The following NET1 variants were observed in gnomAD, a reference collection of about 807,000 sequenced individuals.
NET1 encodes neuroepithelial cell-transforming gene 1 protein.
A neutral mutation model predicts 61.1 loss-of-function variants in NET1; 42 were observed. The ratio of observed to expected loss-of-function variants is 0.69; its 90% CI spans 0.54 to 0.89. The LOEUF (loss-of-function observed/expected upper bound fraction) is 0.89, where lower values mean the gene tolerates loss of function less well. Among genes scored for constraint, NET1 ranks in the 40% least tolerant of loss-of-function variants. NET1 has a pLI of 0.00. For missense variants in NET1, 654 were observed against 747.3 expected, an observed-to-expected ratio of 0.88 and a Z score of 1.46; for synonymous variants, 254 against 281.8, an observed-to-expected ratio of 0.90 and a Z score of 0.99.
chr10:5,446,653 G>A lies in NET1; in HGVS notation c.256-5177G>A. On this transcript the variant is annotated intron_variant, in intron 3 of 11. Transcript: ENST00000355029. The surrounding 1 kb of genome is among the most constrained non-coding windows in gnomAD (Gnocchi z 5.0). ...CGGCGAGAGGCATGGGCACGTGGCT[G>A]CCGAGGGTGGCCGAGCTCTGGGAAG... is the stretch of plus-strand genomic sequence containing the variant. The A allele has an allele frequency of 7.6e-7, 1 of 1,312,484 alleles. No homozygotes were observed. 81.3% of individuals were successfully genotyped at this position (1,312,484 alleles called of 1,614,324 possible).
Position 5,457,258 on chromosome 10 carries a change from T to C in NET1, c.*264T>C, listed in dbSNP as rs1381852786. The C allele has an allele frequency of 3.7e-6, 1 of 266,856 alleles. No individual in the cohort carries two copies. The highest frequency in any genetic ancestry group is 7.0e-6 in the Non-Finnish European group (1 of 143,362). 16.5% of individuals were successfully genotyped at this position (266,856 alleles called of 1,614,324 possible). On this transcript the variant is annotated 3_prime_UTR_variant, in exon 12 of 12. Coordinates refer to ENST00000355029, the MANE Select transcript of NET1 (RefSeq NM_001047160.3). This position sits in a 1 kb window ranked among gnomAD's most constrained non-coding sequence, Gnocchi z 5.4. ...GGTATTTTTTAATCAAACAAAATATTTATGAAATGGGTTTTCTCTTAATTC... is the reference window on the plus strand; with the variant it reads ...GGTATTTTTTAATCAAACAAAATATCTATGAAATGGGTTTTCTCTTAATTC...
At position 5,415,023 on chromosome 10, in the gene NET1, T is replaced by G. The variant is rs1347879231; in HGVS notation, c.128+2203T>G. Among the ~76,000 whole-genome samples the G allele has an allele frequency of 6.6e-6, 1 of 152,142 alleles. No individual in the cohort carries two copies. The highest frequency in any genetic ancestry group is 2.4e-5 in the African/African-American group (1 of 41,440). ...AGAGAAAATGGAGAATTAAATAACA[T>G]ATTCCTTTTCCAGAAAAGATGTAAG... On this transcript the variant is annotated intron_variant, in intron 1 of 11. Transcript: ENST00000355029. This position sits in a 1 kb window ranked among gnomAD's most constrained non-coding sequence, Gnocchi z 4.7.
chr10:5,451,887 A>G lies in NET1; in HGVS notation c.313A>G (p.Ile105Val). Residue 105 changes from isoleucine (I) to valine (V), a missense_variant, in exon 4 of 12, where the codon ATC becomes GTC. Physicochemically the swap from Ile to Val is conservative, Grantham distance 29 (BLOSUM62 3). Transcript: ENST00000355029. The surrounding 1 kb of genome is among the most constrained non-coding windows in gnomAD (Gnocchi z 6.1). ...LARVTSLANL[I>V]SPVRNGAVRR... ...TCGTGTCACGTCCTTGGCAAATTTA[A>G]TCTCTCCTGTAAGAAATGGAGCTGT... 6.2e-7 allele frequency: 1 copy of G among 1,614,066 alleles called. No individual in the cohort carries two copies. The highest frequency in any genetic ancestry group is 8.5e-7 in the Non-Finnish European group (1 of 1,179,968).
chr10:5,419,799 T>G (rs1564457753), intron 1 of NET1, among the ~76,000 whole-genome samples: 1 of 152,204 alleles, frequency 6.6e-6, no homozygotes. Context: ...ATAGGATTCT[T>G]TGCTGAAATT....
intron 3 of NET1, among the ~76,000 whole-genome samples, chr10:5,432,857 C>T (rs1337853025): frequency 6.6e-6 from 1 of 151,744 alleles, no homozygotes; most frequent in Non-Finnish European, 1.5e-5. Flanking sequence ...TTGCTCTTTG[C>T]TTTGGTATAT....
At position 5,437,609 on chromosome 10, in the gene NET1, A is replaced by G. The variant is rs922770087; in HGVS notation, c.255+8380A>G. Among the ~76,000 whole-genome samples the G allele has an allele frequency of 2.0e-5, 3 of 151,466 alleles. No homozygotes were observed. The highest frequency in any genetic ancestry group is 4.4e-5 in the Non-Finnish European group (3 of 67,894). On this transcript the variant is annotated intron_variant, in intron 3 of 11. Transcript: ENST00000355029. This position sits in a 1 kb window ranked among gnomAD's most constrained non-coding sequence, Gnocchi z 4.3. ...ATGTTTGCCAAATTGATACTTTTCT[A>G]TCGGTTTATGATAATATTCATAACC...
In NET1 at chr10:5,453,087, G is replaced by C; in HGVS notation, c.595-163G>C. On this transcript the variant is annotated intron_variant, in intron 6 of 11. Coordinates refer to ENST00000355029, the MANE Select transcript of NET1 (RefSeq NM_001047160.3). This position sits in a 1 kb window ranked among gnomAD's most constrained non-coding sequence, Gnocchi z 4.9. ...GACACATCCTCAAATACAAGTATTA[G>C]TAAGAGAGTTTATTTGGGGATTAAT... 1 of 708,276 alleles carries C rather than the reference G, an allele frequency of 1.4e-6. No homozygotes were observed. The highest frequency in any genetic ancestry group is 2.5e-6 in the Non-Finnish European group (1 of 403,048). 43.9% of individuals were successfully genotyped at this position (708,276 alleles called of 1,614,324 possible).
chr10:5,446,837 C>T lies in NET1; in HGVS notation c.256-4993C>T, dbSNP rs772776947. On this transcript the variant is annotated intron_variant, in intron 3 of 11. Coordinates refer to ENST00000355029, the MANE Select transcript of NET1 (RefSeq NM_001047160.3). This position sits in a 1 kb window ranked among gnomAD's most constrained non-coding sequence, Gnocchi z 5.0. Reference sequence around the variant, plus strand: ...CCATACGAGTCCTAGATGTCAATAACCAGTCCTTCAGAGAACAAGAGGTAA... The same window carrying T: ...CCATACGAGTCCTAGATGTCAATAATCAGTCCTTCAGAGAACAAGAGGTAA... 23 of 1,610,846 alleles carry T rather than the reference C, an allele frequency of 1.4e-5. No homozygotes were observed. The highest frequency in any genetic ancestry group is 6.7e-5 in the Admixed American group (4 of 59,836).
rs936319588 is a variant in NET1, at chr10:5,417,647, C to G, written c.128+4827C>G. ...AAATAGTTTTACTTCTTTTTCCAAT[C>G]TCTGGATGCCCTTTACTTTTTTCTC... is the stretch of plus-strand genomic sequence containing the variant. On this transcript the variant is annotated intron_variant, in intron 1 of 11. Transcript: ENST00000355029. The surrounding 1 kb of genome is among the most constrained non-coding windows in gnomAD (Gnocchi z 5.5). 1.3e-5 allele frequency among the ~76,000 whole-genome samples: 2 copies of G among 152,116 alleles called. No individual in the cohort carries two copies. Among genetic ancestry groups the G allele is most frequent in the Admixed American group, 1.3e-4 (2 of 15,268 alleles).
In NET1 at chr10:5,427,438, C is replaced by G. The variant is rs1832274922; in HGVS notation, c.195+717C>G. Among the ~76,000 whole-genome samples, 2 of 152,138 alleles carry G rather than the reference C, an allele frequency of 1.3e-5. No homozygotes were observed. Among genetic ancestry groups the G allele is most frequent in the South Asian group, 4.1e-4 (2 of 4,824 alleles). ...TTTCCTCCCCACTTCTTCTCCTTCT[C>G]CATATTAGTCCATTCCCAGGCTCTG... On this transcript the variant is annotated intron_variant, in intron 2 of 11. Coordinates refer to ENST00000355029, the MANE Select transcript of NET1 (RefSeq NM_001047160.3). This position sits in a 1 kb window ranked among gnomAD's most constrained non-coding sequence, Gnocchi z 4.1.
In NET1 at chr10:5,423,796, G is replaced by A. The variant is rs1832217755; in HGVS notation, c.129-2859G>A. On this transcript the variant is annotated intron_variant, in intron 1 of 11. Coordinates refer to ENST00000355029, the MANE Select transcript of NET1 (RefSeq NM_001047160.3). This position sits in a 1 kb window ranked among gnomAD's most constrained non-coding sequence, Gnocchi z 4.4. Reference sequence around the variant, plus strand: ...AAAATAGCTATTACATTTTGAGTCTGACGCTTGTGAAAAAATGAGTATATG... The same window carrying A: ...AAAATAGCTATTACATTTTGAGTCTAACGCTTGTGAAAAAATGAGTATATG... 1.3e-5 allele frequency among the ~76,000 whole-genome samples: 2 copies of A among 152,094 alleles called. No homozygotes were observed. The highest frequency in any genetic ancestry group is 2.9e-5 in the Non-Finnish European group (2 of 68,002).
rs924273958 is a variant in NET1 at position 5,453,578 on chromosome 10, G to C, written c.768+18G>C. ...TGAGCTGGGTATGTAGTGAGTTGTT[G>C]ACCCCAGATACAGTTTCTTACAGAT... On this transcript the variant is annotated intron_variant, in intron 8 of 11. Coordinates refer to ENST00000355029, the MANE Select transcript of NET1 (RefSeq NM_001047160.3). The surrounding 1 kb of genome is among the most constrained non-coding windows in gnomAD (Gnocchi z 4.9). 4 of 1,607,774 alleles carry C rather than the reference G, an allele frequency of 2.5e-6. No individual in the cohort carries two copies. The highest frequency in any genetic ancestry group is 2.7e-5 in the African/African-American group (2 of 74,770).
At chr10:5,419,163 C>A (rs1832126568) in intron 1 of NET1, among the ~76,000 whole-genome samples, 1 of 151,988 alleles carries the variant, frequency 6.6e-6, no homozygotes, top group Non-Finnish European at 1.5e-5. Flanking sequence ...TTTGAAAGGC[C>A]ATTTTGTTTG....
In NET1 at chr10:5,446,729, G is replaced by A. The variant is rs1300447020; in HGVS notation, c.256-5101G>A. ...GTCGCTACAGCGCTGACTCGGTGTG[G>A]ATTGATTGGAAAGGTTTGAGGGAGT... On this transcript the variant is annotated intron_variant, in intron 3 of 11. Transcript: ENST00000355029. The surrounding 1 kb of genome is among the most constrained non-coding windows in gnomAD (Gnocchi z 5.0). The A allele has an allele frequency of 6.4e-7, 1 of 1,573,218 alleles. No homozygotes were observed. The highest frequency in any genetic ancestry group is 2.3e-5 in the East Asian group (1 of 43,826).
rs4881451 is a variant in NET1, at chr10:5,447,605, A to G, written c.256-4225A>G. Among the ~76,000 whole-genome samples, 985 of 152,314 alleles carry G rather than the reference A, an allele frequency of 6.5e-3. 37 individuals are homozygous for G. In the East Asian group the frequency reaches 0.11, roughly 16 times the overall value. On this transcript the variant is annotated intron_variant, in intron 3 of 11. Coordinates refer to ENST00000355029, the MANE Select transcript of NET1 (RefSeq NM_001047160.3). The surrounding 1 kb of genome is among the most constrained non-coding windows in gnomAD (Gnocchi z 4.1). ...GATTGTGGTAGTGGTTTCCGTCTCT[A>G]TACACACGTCAAAACTTATCTAATT... is the stretch of plus-strand genomic sequence containing the variant.
At chr10:5,434,131 G>A (rs1217634501) in intron 3 of NET1, among the ~76,000 whole-genome samples, 2 of 152,312 alleles carry the variant, frequency 1.3e-5, no homozygotes, top group African/African-American at 4.8e-5. Flanking sequence ...TTTCAGTGCA[G>A]TAAGTTTCCT....
rs1472767757 is a variant in NET1 at position 5,456,419 on chromosome 10, C to T, written c.1384+146C>T. On this transcript the variant is annotated intron_variant, in intron 11 of 11. Coordinates refer to ENST00000355029, the MANE Select transcript of NET1 (RefSeq NM_001047160.3). This position sits in a 1 kb window ranked among gnomAD's most constrained non-coding sequence, Gnocchi z 7.0. ...TTGAGTTGTCCAGGCCTTCCCAGCT[C>T]GAACACCCGCAGGTGTATCTAAGAA... 8.8e-6 allele frequency: 9 copies of T among 1,023,152 alleles called. No homozygotes were observed. Among genetic ancestry groups the T allele is most frequent in the Non-Finnish European group, 9.7e-6 (7 of 719,484 alleles). The allele number at this position is 1,023,152 out of a possible 1,614,324, so 63.4% of individuals were successfully genotyped here. A position where few individuals can be genotyped will look rare whatever the true frequency, so the allele number is the denominator to read the frequency against.
chr10:5,450,450 C>A (rs2119209229), intron 3 of NET1, among the ~76,000 whole-genome samples: 1 of 151,778 alleles, frequency 6.6e-6, no homozygotes, highest in East Asian at 1.9e-4. Flanking sequence ...TTTTTTTTTA[C>A]CCAAACCAAA....
chr10:5,456,190 A>G lies in NET1; in HGVS notation c.1301A>G (p.Gln434Arg), dbSNP rs969922933. Residue 434 changes from glutamine to arginine, a missense_variant, in exon 11 of 12, where the codon CAA becomes CGA. Transcript: ENST00000355029. The surrounding 1 kb of genome is among the most constrained non-coding windows in gnomAD (Gnocchi z 7.0). ...GTTTACCGGCAGCCAATCCCAGTCC[A>G]AGAGCTAGTCCTAGAAGACCTGCAG... ...YQVYRQPIPV[Q>R]ELVLEDLQDG... The G allele has an allele frequency of 4.3e-6, 7 of 1,614,102 alleles. No homozygotes were observed. In the Admixed American group the frequency reaches 5.0e-5, roughly 12 times the overall value.
Sources: gnomAD v4.1 joint callset for allele counts (sites outside exome capture counted in the v4.1 genomes callset) on GRCh38, gnomAD v4.1.1 for gene constraint, Gnocchi (gnomAD v3.1) non-coding constraint, MANE v1.5 for transcripts, NCBI Gene and HGNC (gene_info 2026-07-23, HGNC 2026-07-21) for gene names.